The following RYR3 variants were observed in gnomAD, a reference collection of about 807,000 sequenced individuals.
RYR3 encodes ryanodine receptor 3, also known as brain ryanodine receptor-calcium release channel.
A neutral mutation model predicts 584.3 loss-of-function variants in RYR3; 207 were observed. The ratio of observed to expected loss-of-function variants is 0.35; its 90% CI spans 0.32 to 0.40. The LOEUF is 0.40. RYR3 is among the 10% of genes least tolerant of loss of function. The pLI, the probability that RYR3 is intolerant of heterozygous loss-of-function variation, is 1.00. For synonymous variants in RYR3, 2,416 were observed against 2,248.5 expected, an observed-to-expected ratio of 1.07 and a Z score of -2.11; for missense variants, 5,616 against 6,089.2, an observed-to-expected ratio of 0.92 and a Z score of 2.59.
intron 3 of RYR3, among the ~76,000 whole-genome samples, chr15:33,511,753 T>C (rs1407612085): frequency 6.6e-6 from 1 of 152,212 alleles, no homozygotes; most frequent in Non-Finnish European, 1.5e-5. Context: ...TTTTATTTCT[T>C]CAAAACATTG....
At position 33,700,971 on chromosome 15, in the gene RYR3, C is replaced by G; in HGVS notation, c.6380-6C>G. ...TTTTCTTGCTAATTCTCCCCTCCTC[C>G]CTCAGCCTCCCCGTCGATGAGGGGA... On this transcript the variant is annotated splice_polypyrimidine_tract_variant and splice_region_variant and intron_variant, in intron 41 of 103. Coordinates refer to ENST00000634891, the MANE Select transcript of RYR3 (RefSeq NM_001036.6). 6.2e-7 allele frequency: 1 copy of G among 1,608,356 alleles called. No homozygotes were observed. The highest frequency in any genetic ancestry group is 8.5e-7 in the Non-Finnish European group (1 of 1,175,952).
intron 19 of RYR3, among the ~76,000 whole-genome samples, chr15:33,618,512 G>C (rs1367497719): frequency 3.9e-5 from 6 of 152,162 alleles, no homozygotes; most frequent in African/African-American, 1.4e-4. Flanking sequence ...AAATATGAAT[G>C]TGGGAATGTC....
At chr15:33,492,494 A>G (rs376350575) in intron 2 of RYR3, among the ~76,000 whole-genome samples, 1 of 152,182 alleles carries the variant, frequency 6.6e-6, no homozygotes, top group South Asian at 2.1e-4. Context: ...TAGGAGCAAA[A>G]AATAAAAACT....
chr15:33,818,646 C>CTCT lies in RYR3; in HGVS notation c.10668_10669insTCT (p.Ile3556_Ile3557insSer). On this transcript the variant is annotated inframe_insertion, in exon 76 of 104. Coordinates refer to ENST00000634891, the MANE Select transcript of RYR3 (RefSeq NM_001036.6). The stretch of plus-strand genomic sequence containing the variant: ...AACAACCTGACCCACTACATCAGAT[C>CTCT]ATTCTCTATTTTAGCCGCAACGCTC... The CTCT allele has an allele frequency of 6.2e-7, 1 of 1,613,956 alleles. No homozygotes were observed. Among genetic ancestry groups the CTCT allele is most frequent in the Non-Finnish European group, 8.5e-7 (1 of 1,179,876 alleles).
At chr15:33,589,345 A>C (rs779123989) in intron 16 of RYR3, among the ~76,000 whole-genome samples, 6 of 151,968 alleles carry the variant, frequency 3.9e-5, no homozygotes, top group Non-Finnish European at 5.9e-5. Flanking sequence ...GTTCCCTGTA[A>C]ATTCTGGGTA....
chr15:33,692,467 T>C (rs190994607), intron 38 of RYR3, among the ~76,000 whole-genome samples: 1 of 152,266 alleles, frequency 6.6e-6, no homozygotes, highest in Non-Finnish European at 1.5e-5. Context: ...TCATAGTTAT[T>C]GTTTCTCTCA....
At chr15:33,821,169 C>G in intron 78 of RYR3, 101 bp from the exon 79 acceptor site, 1 of 875,032 alleles carries the variant, frequency 1.1e-6, no homozygotes, top group South Asian at 1.5e-5. Context: ...TGTGTGTTAC[C>G]TTCCTTAGGT....
At chr15:33,464,463 G>GATATATATATATATATAT (rs569756898) in intron 1 of RYR3, among the ~76,000 whole-genome samples, 2 of 79,258 alleles carry the variant, frequency 2.5e-5, no homozygotes, top group Non-Finnish European at 4.8e-5. Context: ...GGGAGGTGGA[G>GATATATATATATATATAT]ATATATATAT....
intron 18 of RYR3, among the ~76,000 whole-genome samples, chr15:33,607,806 G>A (rs2059980680): frequency 6.6e-6 from 1 of 152,018 alleles, no homozygotes; most frequent in Admixed American, 6.6e-5. Flanking sequence ...GGTTCCTGGA[G>A]TTGAAAAAAA....
At chr15:33,574,775 A>T (rs566188303) in intron 12 of RYR3, among the ~76,000 whole-genome samples, 5 of 152,332 alleles carry the variant, frequency 3.3e-5, no homozygotes, top group South Asian at 4.1e-4. Flanking sequence ...AGAGCTCATT[A>T]GAAATTGGCC....
intron 1 of RYR3, among the ~76,000 whole-genome samples, chr15:33,427,415 A>G (rs1366736714): frequency 3.9e-5 from 6 of 152,240 alleles, no homozygotes; most frequent in East Asian, 1.9e-4. Flanking sequence ...TTTAAGCAAC[A>G]TAGACCTCAT....
chr15:33,584,320 T>C (rs1253397203), intron 14 of RYR3, 75 bp from the exon 15 acceptor site: 12 of 745,002 alleles, frequency 1.6e-5, no homozygotes, highest in Non-Finnish European at 2.8e-5. Context: ...AGTGAAATAT[T>C]CGACAGCTTT....
intron 48 of RYR3, among the ~76,000 whole-genome samples, chr15:33,734,744 C>T (rs1289644463): frequency 7.3e-6 from 1 of 137,634 alleles, no homozygotes; most frequent in Non-Finnish European, 1.5e-5. Flanking sequence ...GGTTGGAGTG[C>T]AGTGGTGCCA....
At chr15:33,812,414 A>C (rs760986266) in intron 72 of RYR3, among the ~76,000 whole-genome samples, 3 of 152,222 alleles carry the variant, frequency 2.0e-5, no homozygotes, top group Non-Finnish European at 2.9e-5. Context: ...AGAGATATAA[A>C]GGAATTAATC....
At chr15:33,717,438 A>G (rs1369297257) in intron 43 of RYR3, among the ~76,000 whole-genome samples, 1 of 152,178 alleles carries the variant, frequency 6.6e-6, no homozygotes, top group Non-Finnish European at 1.5e-5. Context: ...TCCTTGAATC[A>G]ACTTTTTTCC....
chr15:33,584,532 T>A, intron 15 of RYR3, 42 bp downstream of exon 15: 211 of 724,722 alleles, frequency 2.9e-4, no homozygotes, highest in Non-Finnish European at 4.4e-4. Flanking sequence ...AGATGAAGGG[T>A]TTTTTTTTTC....
intron 45 of RYR3, among the ~76,000 whole-genome samples, chr15:33,725,184 C>CACACACACACACACACACACACATATAT (rs2068278967): frequency 6.8e-6 from 1 of 147,614 alleles, no homozygotes; most frequent in South Asian, 2.1e-4. Context: ...CACACACACA[C>CACACACACACACACACACACACATATAT]ACACACACAC....
chr15:33,587,673 T>G (rs2058923699), intron 16 of RYR3, among the ~76,000 whole-genome samples: 1 of 152,244 alleles, frequency 6.6e-6, no homozygotes, highest in Non-Finnish European at 1.5e-5. Flanking sequence ...TGAAGCAATG[T>G]GATCTTGGTA....
chr15:33,613,341 T>C lies in RYR3; in HGVS notation c.2323T>C (p.Phe775Leu). The part of the protein sequence containing the change: ...MFENFNTDGL[F>L]FPVMSFSAGV... ...TGAGAACTTCAACACAGACGGGCTC[T>C]TCTTCCCTGTGATGAGCTTTTCAGC... The change falls in exon 19 of 104, where the codon TTC becomes CTC. Residue 775 changes from phenylalanine (F) to leucine (L), a missense_variant. By Grantham distance (22) the Phe-to-Leu change is conservative. Around this residue, in one of 9 missense-constraint regions of RYR3, gnomAD observed 1,284 missense variants for 1,344.6 expected, o/e 0.95. Transcript: ENST00000634891. The C allele has an allele frequency of 2.5e-6, 4 of 1,611,988 alleles. No individual in the cohort carries two copies. Among genetic ancestry groups the C allele is most frequent in the Non-Finnish European group, 3.4e-6 (4 of 1,178,710 alleles).
Sources: gnomAD v4.1 joint callset for allele counts (sites outside exome capture counted in the v4.1 genomes callset) on GRCh38, gnomAD v4.1.1 for gene constraint, gnomAD v4.1.1 regional missense constraint, MANE v1.5 for transcripts, NCBI Gene and HGNC (gene_info 2026-07-23, HGNC 2026-07-21) for gene names.